The following CLMN variants were observed in gnomAD, a reference collection of about 807,000 sequenced individuals.
CLMN encodes calmin (calponin-like, transmembrane).
Under a neutral mutation model 92.7 loss-of-function variants are expected in CLMN, and 57 were observed. The observed-to-expected ratio is 0.61, with a 90% confidence interval of 0.50 to 0.77. The LOEUF is 0.77. Among genes scored for constraint, CLMN ranks in the 30% least tolerant of loss-of-function variants. The probability of loss-of-function intolerance (pLI) is 0.00; values close to 1 mark genes in which losing one functional copy is unlikely to be tolerated. For missense variants in CLMN, 1,158 were observed against 1,237.5 expected, an observed-to-expected ratio of 0.94 and a Z score of 0.96; for synonymous variants, 466 against 470.6, an observed-to-expected ratio of 0.99 and a Z score of 0.13.
Position 95,215,623 on chromosome 14 carries a change from G to C in CLMN, c.417+18C>G. On this transcript the variant is annotated intron_variant, in intron 5 of 12. Coordinates refer to ENST00000298912, the MANE Select transcript of CLMN (RefSeq NM_024734.4). ...CACAAGATCATGATTGTGTGTTTTG[G>C]AAAAGAAATGATCTTACCTGGAAGA... is the stretch of plus-strand genomic sequence containing the variant. The C allele has an allele frequency of 6.2e-7, 1 of 1,603,656 alleles. No individual in the cohort carries two copies. Among genetic ancestry groups the C allele is most frequent in the Non-Finnish European group, 8.5e-7 (1 of 1,170,460 alleles).
In CLMN at chr14:95,319,669, C is replaced by G. The variant is rs1450413888; in HGVS notation, c.82+42G>C. 2.6e-6 allele frequency: 4 copies of G among 1,542,126 alleles called. No individual in the cohort carries two copies. The South Asian group carries it at 3.4e-5, about 13-fold the overall frequency. Reference sequence around the variant, plus strand: ...GTGTCGGAGCGGCGCCCCGGGCCCCCCGAGCGCCCAGCCATCCCGGGGCGA... The same window carrying G: ...GTGTCGGAGCGGCGCCCCGGGCCCCGCGAGCGCCCAGCCATCCCGGGGCGA... On this transcript the variant is annotated intron_variant, in intron 1 of 12. Transcript: ENST00000298912.
At chr14:95,197,390 GAA>G (rs1238653685) in intron 9 of CLMN, among the ~76,000 whole-genome samples, 5 of 148,032 alleles carry the variant, frequency 3.4e-5, no homozygotes, top group East Asian at 2.0e-4. Flanking sequence ...GATAGAGAGA[GAA>G]AGAAAAAAGA....
intron 12 of CLMN, chr14:95,193,032 G>A (rs1896598056): frequency 6.2e-6 from 2 of 322,544 alleles, no homozygotes; most frequent in Non-Finnish European, 5.6e-6. Flanking sequence ...CCAGAGGGAT[G>A]GGGTTCTAAT....
Position 95,210,623 on chromosome 14 carries a change from G to C in CLMN, c.802+63C>G, listed in dbSNP as rs1897169070. 1.3e-5 allele frequency: 20 copies of C among 1,518,512 alleles called. No individual in the cohort carries two copies. In the East Asian group the frequency reaches 4.7e-4, roughly 36 times the overall value. 94.1% of individuals were successfully genotyped at this position (1,518,512 alleles called of 1,614,324 possible). A position where few individuals can be genotyped will look rare whatever the true frequency, so the allele number is the denominator to read the frequency against. On this transcript the variant is annotated intron_variant, in intron 7 of 12. Coordinates refer to ENST00000298912, the MANE Select transcript of CLMN (RefSeq NM_024734.4). Reference sequence around the variant, plus strand: ...TCTGTATTTTCCAGATTTTCCACATGGGACAGCAAGTGGTACATTTGTAAA... The same window carrying C: ...TCTGTATTTTCCAGATTTTCCACATCGGACAGCAAGTGGTACATTTGTAAA...
intron 4 of CLMN, among the ~76,000 whole-genome samples, chr14:95,220,671 C>T (rs1273416787): frequency 6.6e-6 from 1 of 152,232 alleles, no homozygotes; most frequent in African/African-American, 2.4e-5. Context: ...GAGCCTACCC[C>T]TGTTCAGACA....
chr14:95,229,689 A>G (rs1897821666), intron 2 of CLMN, among the ~76,000 whole-genome samples: 1 of 152,074 alleles, frequency 6.6e-6, no homozygotes, highest in South Asian at 2.1e-4. Context: ...TTTAGAAGGA[A>G]ATCTAGCTTT....
intron 6 of CLMN, among the ~76,000 whole-genome samples, chr14:95,211,987 C>G (rs534692933): frequency 4.6e-5 from 7 of 152,344 alleles, no homozygotes; most frequent in East Asian, 3.9e-4. Flanking sequence ...ATCACACCCC[C>G]CTTCTACCCT....
rs990995606 is a variant in CLMN at position 95,189,815 on chromosome 14, C to T, written c.*1749G>A. 6.6e-6 allele frequency: 1 copy of T among 152,208 alleles called. No homozygotes were observed. Among genetic ancestry groups the T allele is most frequent in the Admixed American group, 6.5e-5 (1 of 15,294 alleles). 9.4% of individuals were successfully genotyped at this position (152,208 alleles called of 1,614,324 possible). On this transcript the variant is annotated 3_prime_UTR_variant, in exon 13 of 13. Coordinates refer to ENST00000298912, the MANE Select transcript of CLMN (RefSeq NM_024734.4). The stretch of plus-strand genomic sequence containing the variant: ...GCCTTCCAGATGGAATCACTCCAAG[C>T]TCCCAGCAGCTTTCTGGTTGGAAGG...
chr14:95,235,740 G>A lies in CLMN; in HGVS notation c.83-5607C>T, dbSNP rs112421373. Among the ~76,000 whole-genome samples the A allele has an allele frequency of 1.9e-3, 289 of 152,334 alleles. 4 individuals carry two copies. The highest frequency in any genetic ancestry group is 6.6e-3 in the African/African-American group (273 of 41,572). On this transcript the variant is annotated intron_variant, in intron 1 of 12. Transcript: ENST00000298912. ...AGATCAGAATTTCCGCATGGGAGCC[G>A]TATTCTTTGACGTCCATCCAGACAG...
chr14:95,214,740 T>G (rs181621704), intron 5 of CLMN, among the ~76,000 whole-genome samples: 1 of 91,082 alleles, frequency 1.1e-5, no homozygotes, highest in East Asian at 2.1e-4. Flanking sequence ...AGAGACAGTA[T>G]TTTTTTTTTT....
intron 9 of CLMN, among the ~76,000 whole-genome samples, chr14:95,199,750 G>A (rs1955737836): frequency 6.6e-6 from 1 of 152,298 alleles, no homozygotes; most frequent in South Asian, 2.1e-4. Context: ...GGGCTTCTGG[G>A]AGGAGGTGCC....
At chr14:95,196,727 A>G (rs373537090) in intron 9 of CLMN, 33 bp from the exon 10 acceptor site, 1 of 1,600,634 alleles carries the variant, frequency 6.2e-7, no homozygotes, top group Non-Finnish European at 8.5e-7. Context: ...CCAAGTCAGT[A>G]TGTCACGCTG....
intron 1 of CLMN, among the ~76,000 whole-genome samples, chr14:95,289,990 A>G (rs944547518): frequency 6.6e-6 from 1 of 152,254 alleles, no homozygotes; most frequent in Non-Finnish European, 1.5e-5. Context: ...GCTGAAGCCT[A>G]TAACATTTCA....
chr14:95,262,440 T>C (rs898409020), intron 1 of CLMN, among the ~76,000 whole-genome samples: 2 of 152,234 alleles, frequency 1.3e-5, no homozygotes, highest in Admixed American at 6.5e-5. Context: ...AAATGCCTAA[T>C]AAAAATAGCT....
At position 95,194,524 on chromosome 14, in the gene CLMN, T is replaced by C; in HGVS notation, c.2769+12A>G. On this transcript the variant is annotated intron_variant, in intron 11 of 12. Coordinates refer to ENST00000298912, the MANE Select transcript of CLMN (RefSeq NM_024734.4). The surrounding 1 kb of genome is among the most constrained non-coding windows in gnomAD (Gnocchi z 4.0). The stretch of plus-strand genomic sequence containing the variant: ...GGGGCCGTGCGGAAAGAGAAGAAAT[T>C]CACATACTAACCGATTCCGAAGACC... 5.6e-6 allele frequency: 9 copies of C among 1,614,112 alleles called. No homozygotes were observed. Among genetic ancestry groups the C allele is most frequent in the Non-Finnish European group, 7.6e-6 (9 of 1,179,994 alleles).
At chr14:95,216,195 G>A (rs998336823) in intron 4 of CLMN, among the ~76,000 whole-genome samples, 10 of 152,308 alleles carry the variant, frequency 6.6e-5, no homozygotes, top group African/African-American at 2.4e-4. Context: ...ACAGGCAAGA[G>A]AACGTGTGCA....
intron 1 of CLMN, among the ~76,000 whole-genome samples, chr14:95,291,989 G>A (rs1274928388): frequency 6.6e-6 from 1 of 152,250 alleles, no homozygotes; most frequent in Non-Finnish European, 1.5e-5. Context: ...ATTGAGAACT[G>A]ACTGTGTTCC....
intron 12 of CLMN, chr14:95,193,259 G>T (rs78443297): frequency 3.5e-6 from 4 of 1,142,682 alleles, no homozygotes; most frequent in Non-Finnish European, 5.1e-6. Context: ...TAAATGGGCA[G>T]GTTTCCAGCA....
intron 1 of CLMN, among the ~76,000 whole-genome samples, chr14:95,263,580 A>G (rs1899346579): frequency 6.6e-6 from 1 of 152,214 alleles, no homozygotes; most frequent in Admixed American, 6.5e-5. Flanking sequence ...ACTTCACCTC[A>G]ATGCAGGAGT....
Sources: allele counts gnomAD v4.1 joint callset (sites outside exome capture counted in the v4.1 genomes callset), GRCh38; gene constraint gnomAD v4.1.1; non-coding constraint Gnocchi (gnomAD v3.1); transcripts MANE v1.5; gene names NCBI Gene and HGNC (gene_info 2026-07-23, HGNC 2026-07-21).